Variants in ZNF529 observed in about 807,000 individuals in gnomAD.
ZNF529 encodes the protein zinc finger protein 529.
In ZNF529, 11 loss-of-function variants were observed where a neutral mutation model predicts 10.1. The observed-to-expected ratio is 1.09, with a 90% CI of 0.69 to 1.81. The LOEUF (loss-of-function observed/expected upper bound fraction) is 1.81. ZNF529 is among the 40% of genes most tolerant of loss of function. The probability of loss-of-function intolerance (pLI) is 0.00; values close to 1 mark genes in which losing one functional copy is unlikely to be tolerated. For synonymous variants in ZNF529, 204 were observed against 215.7 expected, an observed-to-expected ratio of 0.95 and a Z score of 0.47; for missense variants, 624 against 666.8, an observed-to-expected ratio of 0.94 and a Z score of 0.71.
At chr19:36,596,679 G>C (rs1483944882) in intron 1 of ZNF529, among the ~76,000 whole-genome samples, 2 of 151,646 alleles carry the variant, frequency 1.3e-5, no homozygotes, top group Admixed American at 6.6e-5. Context: ...ACCACACCCA[G>C]GTAATTTTTT....
chr19:36,572,730 CTATCTAT>C (rs2036176504), intron 1 of ZNF529, among the ~76,000 whole-genome samples: 1 of 151,830 alleles, frequency 6.6e-6, no homozygotes, highest in Admixed American at 6.6e-5. Context: ...ATCTATCTAT[CTATCTAT>C]CTATCTATTA....
At chr19:36,599,900 A>T (rs1044664152) in intron 1 of ZNF529, among the ~76,000 whole-genome samples, 7 of 149,936 alleles carry the variant, frequency 4.7e-5, no homozygotes, top group Non-Finnish European at 7.4e-5. Context: ...AAGGAGTCTC[A>T]CTCTGTTGCC....
At chr19:36,553,920 A>G (rs2145802337) in intron 4 of ZNF529, among the ~76,000 whole-genome samples, 1 of 152,332 alleles carries the variant, frequency 6.6e-6, no homozygotes, top group South Asian at 2.1e-4. Flanking sequence ...AATTACTTTC[A>G]GTCTATGTGT....
intron 2 of ZNF529, among the ~76,000 whole-genome samples, chr19:36,586,466 G>A (rs989470095): frequency 1.3e-5 from 2 of 152,096 alleles, no homozygotes; most frequent in Non-Finnish European, 1.5e-5. Flanking sequence ...TTAGCCGGGC[G>A]TGGTGGTGTG....
rs1568571202 is a variant in ZNF529 at position 36,547,522 on chromosome 19, C to G, written c.1036G>C (p.Val346Leu). Residue 346 changes from valine to leucine, a missense_variant, in exon 5 of 5, where the codon GTT (valine) becomes CTT (leucine). Physicochemically the swap from Val to Leu is conservative, Grantham distance 32. Coordinates refer to ENST00000591340, the MANE Select transcript of ZNF529 (RefSeq NM_020951.5). ...ATGAGCTGTGAACTAATTCTAAAAA[C>G]CTTCTCACAGTGCATACATTTGTAG... ...KPYKCMHCEK[V>L]FRISSQLIEH... 6.2e-7 allele frequency: 1 copy of G among 1,613,386 alleles called. No individual in the cohort carries two copies. Among genetic ancestry groups the G allele is most frequent in the Admixed American group, 1.7e-5 (1 of 60,012 alleles).
At chr19:36,599,866 T>TA (rs1491317806) in intron 1 of ZNF529, among the ~76,000 whole-genome samples, 2 of 142,136 alleles carry the variant, frequency 1.4e-5, no homozygotes, top group Non-Finnish European at 3.1e-5. Context: ...TTGCACATTC[T>TA]TTTTTTTTTT....
chr19:36,566,717 C>CA lies in ZNF529; in HGVS notation c.14+5615dup, dbSNP rs111827896. Among the ~76,000 whole-genome samples the CA allele has an allele frequency of 6.0e-4, 91 of 150,582 alleles. 1 individual carries two copies. The highest frequency in any genetic ancestry group is 1.5e-3 in the African/African-American group (60 of 40,958). ...TGGGTGATGGAATGATACCTTGTCTCAAAAAAATAATAAAAAAAAGGGCCA... is the reference window on the plus strand; with the variant it reads ...TGGGTGATGGAATGATACCTTGTCTCAAAAAAAATAATAAAAAAAAGGGCCA... On this transcript the variant is annotated intron_variant, in intron 2 of 4. Transcript: ENST00000591340.
In ZNF529 at chr19:36,546,073, A is replaced by ATATATATATATATATATATAT. The variant is rs2035004395; in HGVS notation, c.*792_*793insATATATATATATATATATATA. 1 of 149,262 alleles carries ATATATATATATATATATATAT rather than the reference A, an allele frequency of 6.7e-6. No individual in the cohort carries two copies. The highest frequency in any genetic ancestry group is 1.5e-5 in the Non-Finnish European group (1 of 67,252). 9.2% of individuals were successfully genotyped at this position (149,262 alleles called of 1,614,324 possible). A position where few individuals can be genotyped will look rare whatever the true frequency, so the allele number is the denominator to read the frequency against. Reference sequence around the variant, plus strand: ...TGTGTGTGTGTGTGTATATATATATATATATATAGTGTGTTATGTAGTGCA... The same window carrying ATATATATATATATATATATAT: ...TGTGTGTGTGTGTGTATATATATATATATATATATATATATATATATTATATATAGTGTGTTATGTAGTGCA... On this transcript the variant is annotated 3_prime_UTR_variant, in exon 5 of 5. Coordinates refer to ENST00000591340, the MANE Select transcript of ZNF529 (RefSeq NM_020951.5).
Position 36,546,061 on chromosome 19 carries a change from G to GATATATATATATA in ZNF529, c.*804_*805insTATATATATATAT, listed in dbSNP as rs2035002203. ...ATACATATATTGTGTGTGTGTGTGT[G>GATATATATATATA]TATATATATATATATATATAGTGTG... On this transcript the variant is annotated 3_prime_UTR_variant, in exon 5 of 5. Coordinates refer to ENST00000591340, the MANE Select transcript of ZNF529 (RefSeq NM_020951.5). 1 of 130,114 alleles carries GATATATATATATA rather than the reference G, an allele frequency of 7.7e-6. No individual in the cohort carries two copies. 8.1% of individuals were successfully genotyped at this position (130,114 alleles called of 1,614,324 possible). A position where few individuals can be genotyped will look rare whatever the true frequency, so the allele number is the denominator to read the frequency against.
chr19:36,573,276 C>A lies in ZNF529; in HGVS notation c.-183G>T, dbSNP rs2036215821. On this transcript the variant is annotated 5_prime_UTR_variant, in exon 1 of 5. Transcript: ENST00000591340. ...GCCCGGGTCACCTCGACTCGCCAGG[C>A]TTAACTCAATAACCACAACACCGGA... 3.1e-6 allele frequency: 1 copy of A among 322,252 alleles called. No individual in the cohort carries two copies. Among genetic ancestry groups the A allele is most frequent in the Non-Finnish European group, 6.5e-6 (1 of 154,952 alleles). The allele number at this position is 322,252 out of a possible 1,614,324, so 20.0% of individuals were successfully genotyped here. A position where few individuals can be genotyped will look rare whatever the true frequency, so the allele number is the denominator to read the frequency against.
chr19:36,597,113 G>GCTCC (rs2145289975), intron 1 of ZNF529, among the ~76,000 whole-genome samples: 1 of 152,150 alleles, frequency 6.6e-6, no homozygotes, highest in South Asian at 2.1e-4. Flanking sequence ...CTCAGGCAAT[G>GCTCC]CTCCCATCTC....
At chr19:36,561,073 G>A (rs1203872571) in intron 2 of ZNF529, among the ~76,000 whole-genome samples, 1 of 152,200 alleles carries the variant, frequency 6.6e-6, no homozygotes, top group Non-Finnish European at 1.5e-5. Flanking sequence ...ACTTCAGAGA[G>A]CTTCAAGGCT....
intron 2 of ZNF529, among the ~76,000 whole-genome samples, chr19:36,557,435 C>A (rs560801198): frequency 1.3e-5 from 2 of 152,122 alleles, no homozygotes; most frequent in South Asian, 2.1e-4. Context: ...TCATGGCAGA[C>A]GGCACCTCTT....
intron 2 of ZNF529, among the ~76,000 whole-genome samples, chr19:36,557,076 C>T (rs2035504288): frequency 6.6e-6 from 1 of 152,168 alleles, no homozygotes; most frequent in Admixed American, 6.5e-5. Flanking sequence ...AGTTTGATTA[C>T]ATTAGCCTGT....
At chr19:36,600,070 T>A (rs2036899942) in intron 1 of ZNF529, among the ~76,000 whole-genome samples, 1 of 152,052 alleles carries the variant, frequency 6.6e-6, no homozygotes. Context: ...GGTTTCACCA[T>A]GTTGGTCAGG....
At chr19:36,594,207 G>A (rs1449097519) in intron 1 of ZNF529, 1 of 152,168 alleles carries the variant, frequency 6.6e-6, no homozygotes, top group Non-Finnish European at 1.5e-5. Flanking sequence ...ATGGCATCAG[G>A]AATGATCAGA....
intron 1 of ZNF529, among the ~76,000 whole-genome samples, chr19:36,596,915 C>T (rs1158098694): frequency 6.6e-6 from 1 of 152,106 alleles, no homozygotes; most frequent in East Asian, 1.9e-4. Flanking sequence ...GCTCTGTCAC[C>T]CAAGCTGGAG....
chr19:36,579,125 C>A (rs532171327), intron 2 of ZNF529, among the ~76,000 whole-genome samples: 4 of 151,554 alleles, frequency 2.6e-5, no homozygotes, highest in Non-Finnish European at 5.9e-5. Flanking sequence ...TGCTTGAACC[C>A]GGTAGGTGGA....
At position 36,547,915 on chromosome 19, in the gene ZNF529, T is replaced by A; in HGVS notation, c.643A>T (p.Met215Leu). The change falls in exon 5 of 5, where the codon ATG (methionine) becomes TTG (leucine). Residue 215 changes from methionine to leucine, a missense_variant. By Grantham distance (15) the Met-to-Leu change is conservative (BLOSUM62 2). Coordinates refer to ENST00000591340, the MANE Select transcript of ZNF529 (RefSeq NM_020951.5). ...WKTFGIDNSS[M>L]LQLNIHTGVK... The stretch of plus-strand genomic sequence containing the variant: ...CCAGTATGAATATTCAGTTGTAACA[T>A]ACTGGAGTTATCTATCCCAAAGGTT... 1 of 1,612,946 alleles carries A rather than the reference T, an allele frequency of 6.2e-7. No individual in the cohort carries two copies. The highest frequency in any genetic ancestry group is 8.5e-7 in the Non-Finnish European group (1 of 1,179,424).
Sources: gnomAD v4.1 joint callset for allele counts (sites outside exome capture counted in the v4.1 genomes callset) on GRCh38, gnomAD v4.1.1 for gene constraint, MANE v1.5 for transcripts, NCBI Gene and HGNC (gene_info 2026-07-23, HGNC 2026-07-21) for gene names.